EXOC4: variants seen among roughly 807,000 people sequenced by gnomAD.
EXOC4 encodes the protein SEC8-like 1.
Under a neutral mutation model 107.2 loss-of-function variants are expected in EXOC4, and 71 were observed. The observed-to-expected ratio is 0.66, with a 90% CI of 0.55 to 0.81. The LOEUF is 0.81. EXOC4 is among the 30% of genes least tolerant of loss of function. The pLI is 0.00. For synonymous variants in EXOC4, 456 were observed against 441.2 expected, an observed-to-expected ratio of 1.03 and a Z score of -0.42; for missense variants, 1,108 against 1,189.6, an observed-to-expected ratio of 0.93 and a Z score of 1.01.
intron 14 of EXOC4, among the ~76,000 whole-genome samples, chr7:133,989,752 G>A (rs557920376): frequency 6.6e-6 from 1 of 152,302 alleles, no homozygotes; most frequent in Middle Eastern, 3.4e-3. Flanking sequence ...ACACTGAAGA[G>A]TTAATAGGAG....
At chr7:133,525,621 G>A (rs34218501) in intron 9 of EXOC4, among the ~76,000 whole-genome samples, 24,464 of 152,076 alleles carry the variant, frequency 0.16, 2,282 homozygotes, top group South Asian at 0.24. Flanking sequence ...AGTACAAAAG[G>A]AAACCCACTA....
chr7:133,309,294 G>A (rs1308786817), intron 4 of EXOC4, among the ~76,000 whole-genome samples: 1 of 152,106 alleles, frequency 6.6e-6, no homozygotes, highest in African/African-American at 2.4e-5. Flanking sequence ...GGCTCACCAG[G>A]ATTTGCTGAA....
At chr7:133,653,517 A>T (rs1022297135) in intron 10 of EXOC4, among the ~76,000 whole-genome samples, 57 of 152,174 alleles carry the variant, frequency 3.7e-4, no homozygotes, top group African/African-American at 1.4e-3. Context: ...CAGAAATTTC[A>T]ATTCTCTCTG....
intron 10 of EXOC4, among the ~76,000 whole-genome samples, chr7:133,686,993 TTGTGTGTGTGTG>T (rs1027053373): frequency 1.3e-3 from 10 of 7,570 alleles, no homozygotes; most frequent in African/African-American, 2.2e-3. Flanking sequence ...ATAAAGAATT[TTGTGTGTGTGTG>T]TGTGTGTGTG....
intron 13 of EXOC4, among the ~76,000 whole-genome samples, chr7:133,919,435 G>A (rs1384675455): frequency 2.6e-5 from 4 of 151,992 alleles, no homozygotes; most frequent in African/African-American, 4.8e-5. Flanking sequence ...TAAATATATC[G>A]GTTTTGACAC....
At chr7:133,827,040 C>T (rs1797719838) in intron 11 of EXOC4, among the ~76,000 whole-genome samples, 1 of 152,122 alleles carries the variant, frequency 6.6e-6, no homozygotes, top group South Asian at 2.1e-4. Context: ...AAAATCTGAA[C>T]ATACAAAGAG....
intron 9 of EXOC4, among the ~76,000 whole-genome samples, chr7:133,581,485 G>A (rs1033562881): frequency 2.6e-5 from 4 of 152,114 alleles, no homozygotes; most frequent in African/African-American, 4.8e-5. Flanking sequence ...GAGGCCGGGC[G>A]CGGTGGCTCA....
intron 11 of EXOC4, among the ~76,000 whole-genome samples, chr7:133,887,162 T>G (rs574245894): frequency 7.5e-4 from 114 of 152,308 alleles, no homozygotes; most frequent in South Asian, 1.5e-3. Flanking sequence ...CAGTCATCCC[T>G]TCCCCTCCAA....
At chr7:133,945,552 C>T (rs568981970) in intron 14 of EXOC4, among the ~76,000 whole-genome samples, 2 of 152,216 alleles carry the variant, frequency 1.3e-5, no homozygotes, top group South Asian at 4.1e-4. Flanking sequence ...AAAAATGTTC[C>T]TCTTACACTT....
intron 11 of EXOC4, among the ~76,000 whole-genome samples, chr7:133,857,871 G>A (rs528069501): frequency 6.6e-6 from 1 of 152,080 alleles, no homozygotes; most frequent in African/African-American, 2.4e-5. Context: ...GATCGGGCGT[G>A]GGGGGAGGCA....
At chr7:133,697,762 C>T (rs1794568335) in intron 10 of EXOC4, among the ~76,000 whole-genome samples, 1 of 152,148 alleles carries the variant, frequency 6.6e-6, no homozygotes, top group Admixed American at 6.5e-5. Flanking sequence ...GCATCACCTG[C>T]AGGGGGTTTC....
intron 1 of EXOC4, among the ~76,000 whole-genome samples, chr7:133,266,537 C>T (rs1300366110): frequency 1.3e-5 from 2 of 152,192 alleles, no homozygotes; most frequent in South Asian, 2.1e-4. Flanking sequence ...AATTGTTTGT[C>T]AATCTTACTG....
At chr7:134,003,793 G>T (rs1047767694) in intron 15 of EXOC4, among the ~76,000 whole-genome samples, 9 of 151,716 alleles carry the variant, frequency 5.9e-5, no homozygotes, top group African/African-American at 1.9e-4. Flanking sequence ...ATACCTGCAT[G>T]TAGGGCAGAA....
At chr7:134,089,758 G>A in the EXOC4 span, among the ~76,000 whole-genome samples, 7 of 151,860 alleles carry the variant, frequency 4.6e-5, no homozygotes, top group Non-Finnish European at 1.0e-4. Context: ...TTTACTTTAG[G>A]ACAAGAATTT....
rs75671278 is a variant in EXOC4 at position 134,047,303 on chromosome 7, T to C, written c.2688-16988T>C. Among the ~76,000 whole-genome samples, 867 of 152,242 alleles carry C rather than the reference T, an allele frequency of 5.7e-3. 2 individuals are homozygous for C. Among genetic ancestry groups the C allele is most frequent in the Non-Finnish European group, 9.3e-3 (631 of 67,998 alleles). The stretch of plus-strand genomic sequence containing the variant: ...AAAAAATGAATGCAAATGCTCTCTA[T>C]ATTTTTCCCCTCAAAGGCCTTTTTT... On this transcript the variant is annotated intron_variant, in intron 17 of 17. Transcript: ENST00000253861.
intron 10 of EXOC4, among the ~76,000 whole-genome samples, chr7:133,672,173 T>G (rs112827988): frequency 1.3e-5 from 2 of 151,976 alleles, no homozygotes; most frequent in Non-Finnish European, 2.9e-5. Flanking sequence ...AGGCGGATCA[T>G]GAGGTCAGGA....
Position 133,685,170 on chromosome 7 carries a change from T to C in EXOC4, c.1514+55029T>C, listed in dbSNP as rs184679577. On this transcript the variant is annotated intron_variant, in intron 10 of 17. Coordinates refer to ENST00000253861, the MANE Select transcript of EXOC4 (RefSeq NM_021807.4). ...CAGAAACAATAAGCAGTTGGTATGG[T>C]CAGGCTTTGCGTCCCCACCCAAATC... 2.9e-3 allele frequency among the ~76,000 whole-genome samples: 440 copies of C among 152,220 alleles called. 7 individuals carry two copies. The highest frequency in any genetic ancestry group is 1.8e-3 in the Non-Finnish European group (124 of 68,016).
chr7:133,488,918 T>G (rs1037242653), intron 9 of EXOC4, among the ~76,000 whole-genome samples: 2 of 149,718 alleles, frequency 1.3e-5, no homozygotes, highest in African/African-American at 4.9e-5. Context: ...ATGTAAACAT[T>G]TATAATGTAA....
intron 7 of EXOC4, among the ~76,000 whole-genome samples, chr7:133,447,619 T>C (rs1392749359): frequency 6.6e-6 from 1 of 152,076 alleles, no homozygotes; most frequent in East Asian, 1.9e-4. Context: ...TTTTTTCTGT[T>C]TATCAATAAA....
Sources: allele counts gnomAD v4.1 joint callset (sites outside exome capture counted in the v4.1 genomes callset), GRCh38; gene constraint gnomAD v4.1.1; transcripts MANE v1.5; gene names NCBI Gene and HGNC (gene_info 2026-07-23, HGNC 2026-07-21).